The following SLIT3 variants were observed in gnomAD, a reference collection of about 807,000 sequenced individuals.
The protein encoded by SLIT3 is slit homolog 3 protein.
In SLIT3, 68 loss-of-function variants were observed where a neutral mutation model predicts 184.0. The observed-to-expected ratio is 0.37, with a 90% CI of 0.30 to 0.45. The LOEUF is 0.45. SLIT3 is among the 20% of genes least tolerant of loss of function. The pLI is 1.00. For synonymous variants in SLIT3, 831 were observed against 828.6 expected (o/e 1.00, Z -0.05); for missense variants, 1,707 against 2,026.0 (o/e 0.84, Z 3.02).
chr5:168,813,313 GAA>G (rs34737518), intron 8 of SLIT3, among the ~76,000 whole-genome samples: 39,638 of 134,836 alleles, frequency 0.29, 5,519 homozygotes, highest in African/African-American at 0.35. Context: ...AGATAAGGAT[GAA>G]AAAAAAAAAA....
chr5:168,776,487 T>C (rs1206740052), intron 12 of SLIT3, among the ~76,000 whole-genome samples: 1 of 152,138 alleles, frequency 6.6e-6, no homozygotes, highest in East Asian at 1.9e-4. Flanking sequence ...GACTCACAAG[T>C]GATAGGGGAG....
chr5:168,825,606 T>C (rs1171686296), intron 6 of SLIT3, among the ~76,000 whole-genome samples: 2 of 152,202 alleles, frequency 1.3e-5, no homozygotes, highest in African/African-American at 4.8e-5. Context: ...GTATTTGGCA[T>C]TTTATGAAGT....
At chr5:168,811,981 T>TA (rs1757170707) in intron 8 of SLIT3, among the ~76,000 whole-genome samples, 1 of 152,206 alleles carries the variant, frequency 6.6e-6, no homozygotes, top group Admixed American at 6.5e-5. Context: ...AGTGAATGAA[T>TA]GGATACAGAC....
chr5:169,089,959 A>C (rs1759507312), intron 4 of SLIT3, among the ~76,000 whole-genome samples: 1 of 152,170 alleles, frequency 6.6e-6, no homozygotes, highest in Non-Finnish European at 1.5e-5. Context: ...TCAGAGTCCT[A>C]CCAAGAGAAT....
At chr5:169,260,554 A>AT (rs1766129106) in intron 1 of SLIT3, among the ~76,000 whole-genome samples, 1 of 151,962 alleles carries the variant, frequency 6.6e-6, no homozygotes, top group African/African-American at 2.4e-5. Flanking sequence ...TTTTCTTCCT[A>AT]TTTCTTCTGG....
At chr5:169,143,910 C>T (rs1178528573) in intron 4 of SLIT3, among the ~76,000 whole-genome samples, 3 of 152,104 alleles carry the variant, frequency 2.0e-5, no homozygotes, top group African/African-American at 4.8e-5. Context: ...CACATGGCTC[C>T]ATGGCAAAAA....
intron 4 of SLIT3, among the ~76,000 whole-genome samples, chr5:169,140,176 G>A (rs1324436497): frequency 6.6e-6 from 1 of 151,816 alleles, no homozygotes; most frequent in Non-Finnish European, 1.5e-5. Context: ...CTCACAAAGA[G>A]CTCCGGGGCC....
intron 14 of SLIT3, among the ~76,000 whole-genome samples, chr5:168,769,936 G>T (rs753095431): frequency 7.2e-5 from 11 of 152,136 alleles, no homozygotes; most frequent in Non-Finnish European, 1.2e-4. Context: ...GACCTCTAAG[G>T]TTTCTAAAAG....
chr5:168,896,040 AG>A (rs1234906142), intron 4 of SLIT3, among the ~76,000 whole-genome samples: 3 of 152,178 alleles, frequency 2.0e-5, no homozygotes, highest in African/African-American at 7.2e-5. Flanking sequence ...GGTAGGAGGC[AG>A]GGGGGAAACT....
At chr5:168,711,506 C>A (rs907063777) in intron 24 of SLIT3, among the ~76,000 whole-genome samples, 1 of 151,728 alleles carries the variant, frequency 6.6e-6, no homozygotes, top group African/African-American at 2.4e-5. Context: ...GTGACTGGGA[C>A]GAAAATACTA....
intron 4 of SLIT3, among the ~76,000 whole-genome samples, chr5:169,040,795 T>C (rs1161838879): frequency 6.6e-6 from 1 of 152,264 alleles, no homozygotes; most frequent in Non-Finnish European, 1.5e-5. Flanking sequence ...GTCTTGTGCA[T>C]GTACATTATG....
chr5:169,036,494 A>C (rs1327827661), intron 4 of SLIT3: 1 of 152,202 alleles, frequency 6.6e-6, no homozygotes, highest in Admixed American at 6.5e-5. Flanking sequence ...CTCAATATAA[A>C]GCAGTGGAAA....
At chr5:169,215,682 G>A (rs1421771) in intron 3 of SLIT3, among the ~76,000 whole-genome samples, 46,081 of 152,084 alleles carry the variant, frequency 0.3, 7,973 homozygotes, top group East Asian at 0.69. Context: ...TCCCTGGCCC[G>A]ATCAGAATGC....
intron 3 of SLIT3, among the ~76,000 whole-genome samples, chr5:169,223,940 G>A (rs1764703506): frequency 1.3e-5 from 2 of 152,176 alleles, no homozygotes; most frequent in African/African-American, 4.8e-5. Flanking sequence ...CTTTGTTTCT[G>A]CCTCTAGAGG....
intron 4 of SLIT3, among the ~76,000 whole-genome samples, chr5:169,010,031 C>T (rs972919335): frequency 6.6e-6 from 1 of 152,126 alleles, no homozygotes; most frequent in African/African-American, 2.4e-5. Context: ...AAGCTGTTGT[C>T]CAGAGGTGAA....
intron 31 of SLIT3, among the ~76,000 whole-genome samples, chr5:168,685,268 C>T (rs1761709163): frequency 6.6e-6 from 1 of 152,182 alleles, no homozygotes; most frequent in Admixed American, 6.5e-5. Flanking sequence ...TTAAAAAGTT[C>T]TCGAGGTGAT....
intron 4 of SLIT3, among the ~76,000 whole-genome samples, chr5:168,937,949 C>A (rs1030337614): frequency 6.6e-6 from 1 of 151,962 alleles, no homozygotes; most frequent in African/African-American, 2.4e-5. Flanking sequence ...ACCTTAGGTG[C>A]AACTTCTGAC....
At position 169,027,488 on chromosome 5, in the gene SLIT3, G is replaced by A. The variant is rs534864023; in HGVS notation, c.414-144152C>T. Among the ~76,000 whole-genome samples the A allele has an allele frequency of 4.2e-4, 64 of 152,288 alleles. 1 individual carries two copies. The South Asian group carries it at 0.012, about 29-fold the overall frequency. On this transcript the variant is annotated intron_variant, in intron 4 of 35. Transcript: ENST00000519560. ...CCAGCACAATGCAGTTTTTATTGTA[G>A]TGCTTAATCTGTTGATGAAGTCAAT...
At chr5:168,907,151 G>C (rs761979399) in intron 4 of SLIT3, among the ~76,000 whole-genome samples, 1 of 152,132 alleles carries the variant, frequency 6.6e-6, no homozygotes, top group Non-Finnish European at 1.5e-5. Flanking sequence ...ATGAACCACC[G>C]CGCCCAGCTG....
Sources: gnomAD v4.1 joint callset for allele counts (sites outside exome capture counted in the v4.1 genomes callset) on GRCh38, gnomAD v4.1.1 for gene constraint, MANE v1.5 for transcripts, NCBI Gene and HGNC (gene_info 2026-07-23, HGNC 2026-07-21) for gene names.